The following NDUFA7 variants were observed in gnomAD, a reference collection of about 807,000 sequenced individuals.
NDUFA7 encodes the protein NADH:ubiquinone oxidoreductase subunit A7, also known as NADH dehydrogenase [ubiquinone] 1 alpha subcomplex subunit 7.
Under a neutral mutation model 14.2 loss-of-function variants are expected in NDUFA7, and 18 were observed. The observed-to-expected ratio is 1.27, with a 90% CI of 0.88 to 1.88. The LOEUF is 1.88. Ranked by LOEUF, NDUFA7 falls within the 40% of genes most tolerant of loss-of-function variation. The pLI, the probability that NDUFA7 is intolerant of heterozygous loss-of-function variation, is 0.00. For synonymous variants in NDUFA7, 75 were observed against 62.1 expected (o/e 1.21, Z -0.98); for missense variants, 172 against 147.3 (o/e 1.17, Z -0.87).
chr19:8,319,870 G>A (rs1027711383), intron 2 of NDUFA7, among the ~76,000 whole-genome samples: 4 of 151,980 alleles, frequency 2.6e-5, no homozygotes, highest in African/African-American at 7.3e-5. Flanking sequence ...TTTTGAGACA[G>A]AGTGTTGTTC....
At chr19:8,314,138 A>G (rs566884702) in intron 3 of NDUFA7, among the ~76,000 whole-genome samples, 198 of 152,222 alleles carry the variant, frequency 1.3e-3, no homozygotes, top group African/African-American at 4.4e-3. Context: ...CCTGACCAAC[A>G]TGGTGAAACC....
chr19:8,317,377 G>A (rs1970248019), intron 2 of NDUFA7, among the ~76,000 whole-genome samples: 1 of 152,070 alleles, frequency 6.6e-6, no homozygotes, highest in South Asian at 2.1e-4. Context: ...AACCAGCCTG[G>A]CCAACACTGC....
chr19:8,311,699 T>C, intron 3 of NDUFA7, 104 bp from the exon 4 acceptor site: 1 of 909,734 alleles, frequency 1.1e-6, no homozygotes, highest in Non-Finnish European at 1.7e-6. Context: ...AGGGACTTTC[T>C]GGACCTGCAG....
At chr19:8,309,156 C>T (rs186390068), downstream of NDUFA7, among the ~76,000 whole-genome samples, 73 of 151,160 alleles carry the variant, frequency 4.8e-4, no homozygotes, top group African/African-American at 1.6e-3. Flanking sequence ...TGCACTCCAG[C>T]GTGGGTGACA....
chr19:8,309,136 C>T (rs1285928297), downstream of NDUFA7, among the ~76,000 whole-genome samples: 1 of 151,786 alleles, frequency 6.6e-6, no homozygotes, highest in African/African-American at 2.4e-5. Context: ...GTGGGAGAAT[C>T]ACTTGGGGCT....
At chr19:8,316,351 C>G in intron 3 of NDUFA7, 145 bp downstream of exon 3, 1 of 1,254,312 alleles carries the variant, frequency 8.0e-7, no homozygotes, top group Non-Finnish European at 1.1e-6. Flanking sequence ...AGCTCTCGGA[C>G]AAAAAGCTCC....
At chr19:8,317,523 G>T (rs986520310) in intron 2 of NDUFA7, among the ~76,000 whole-genome samples, 4 of 152,098 alleles carry the variant, frequency 2.6e-5, no homozygotes, top group African/African-American at 2.4e-5. Flanking sequence ...AACAAAAAAA[G>T]CTCAAAACAA....
At chr19:8,309,257 G>A (rs1970145673), downstream of NDUFA7, among the ~76,000 whole-genome samples, 2 of 151,980 alleles carry the variant, frequency 1.3e-5, no homozygotes, top group Admixed American at 1.3e-4. Flanking sequence ...GGCGGATCAC[G>A]AGGTCAGGAG....
At chr19:8,308,642 A>T (rs1328369327), downstream of NDUFA7, 5 of 315,844 alleles carry the variant, frequency 1.6e-5, no homozygotes, top group Non-Finnish European at 2.3e-5. Flanking sequence ...CCCCTCAGGC[A>T]CTCCGCATTT....
In NDUFA7 at chr19:8,321,018, G is replaced by A. The variant is rs936681740; in HGVS notation, c.52-112C>T. The A allele has an allele frequency of 1.6e-5, 20 of 1,243,868 alleles. No homozygotes were observed. The African/African-American group carries it at 2.5e-4, about 16-fold the overall frequency. The allele number at this position is 1,243,868 out of a possible 1,614,324, so 77.1% of individuals were successfully genotyped here. ...GATGCGCATTTTAAGGGAAGGCAGGGGATGAACACTCGGGGAAACGGATGT... is the reference window on the plus strand; with the variant it reads ...GATGCGCATTTTAAGGGAAGGCAGGAGATGAACACTCGGGGAAACGGATGT... On this transcript the variant is annotated intron_variant, in intron 1 of 3. Coordinates refer to ENST00000301457, the MANE Select transcript of NDUFA7 (RefSeq NM_005001.5).
chr19:8,314,301 A>G (rs556527455), intron 3 of NDUFA7, among the ~76,000 whole-genome samples: 7 of 151,286 alleles, frequency 4.6e-5, no homozygotes, highest in Non-Finnish European at 1.0e-4. Flanking sequence ...AGCCTGTGCA[A>G]TAAGAGTGAG....
rs1407656456 is a variant in NDUFA7 at position 8,321,338 on chromosome 19, G to A, written c.21C>T (p.Leu7=). The change falls in exon 1 of 4, where the codon CTC becomes CTT. Residue 7 remains leucine, a synonymous_variant. Transcript: ENST00000301457. MASATR[L]IQRLRNWASG... Reference sequence around the variant, plus strand: ...ACGCCCAGTTCCGCAGCCGCTGGATGAGACGGGTGGCGGACGCCATCTTCC... The same window carrying A: ...ACGCCCAGTTCCGCAGCCGCTGGATAAGACGGGTGGCGGACGCCATCTTCC... The A allele has an allele frequency of 1.3e-6, 2 of 1,579,724 alleles. No homozygotes were observed. The highest frequency in any genetic ancestry group is 1.7e-6 in the Non-Finnish European group (2 of 1,165,360).
chr19:8,310,458 G>A (rs1235642525), downstream of NDUFA7: 2 of 152,290 alleles, frequency 1.3e-5, no homozygotes, highest in African/African-American at 4.8e-5. Flanking sequence ...AGAAGTCTGT[G>A]GCTGGCCTAC....
chr19:8,310,436 A>C (rs1970164584), downstream of NDUFA7: 1 of 152,676 alleles, frequency 6.5e-6, no homozygotes, highest in South Asian at 2.1e-4. Flanking sequence ...TCTCAAAAAA[A>C]AAAAAGAAGT....
At chr19:8,318,661 T>TA (rs1970263537) in intron 2 of NDUFA7, among the ~76,000 whole-genome samples, 1 of 43,476 alleles carries the variant, frequency 2.3e-5, no homozygotes, top group Non-Finnish European at 3.9e-5. Flanking sequence ...AACCCAGTCT[T>TA]ACAAAAAAAA....
intron 3 of NDUFA7, 83 bp from the exon 4 acceptor site, chr19:8,311,678 A>G: frequency 8.4e-7 from 1 of 1,187,784 alleles, no homozygotes; most frequent in Non-Finnish European, 1.2e-6. Context: ...CCCCGGGACA[A>G]ACACACCCAC....
intron 2 of NDUFA7, among the ~76,000 whole-genome samples, chr19:8,320,472 A>G (rs909059096): frequency 3.9e-5 from 6 of 152,244 alleles, no homozygotes; most frequent in Admixed American, 3.9e-4. Context: ...ATTTTAATAT[A>G]AATGAGTCTG....
intron 3 of NDUFA7, among the ~76,000 whole-genome samples, chr19:8,312,421 T>C (rs1443019613): frequency 2.0e-5 from 3 of 152,186 alleles, no homozygotes; most frequent in African/African-American, 7.2e-5. Flanking sequence ...GAACAAGGTA[T>C]CTTGCCACAC....
chr19:8,313,702 C>A (rs1970204229), intron 3 of NDUFA7, among the ~76,000 whole-genome samples: 1 of 152,258 alleles, frequency 6.6e-6, no homozygotes, highest in East Asian at 1.9e-4. Context: ...CAACAGGAGT[C>A]CAGGAAAACT....
Sources: allele counts gnomAD v4.1 joint callset (sites outside exome capture counted in the v4.1 genomes callset), GRCh38; gene constraint gnomAD v4.1.1; transcripts MANE v1.5; gene names NCBI Gene and HGNC (gene_info 2026-07-23, HGNC 2026-07-21).